Variants in NPAS2 observed in about 807,000 individuals in gnomAD.
NPAS2 encodes neuronal PAS domain protein 2.
A neutral mutation model predicts 107.5 loss-of-function variants in NPAS2; 23 were observed. That is an observed-to-expected ratio of 0.21 (90% CI 0.15 to 0.30). The LOEUF is 0.30. NPAS2 is among the 10% of genes least tolerant of loss of function. The pLI, the probability that NPAS2 is intolerant of heterozygous loss-of-function variation, is 1.00. For missense variants in NPAS2, 756 were observed against 1,043.3 expected, an observed-to-expected ratio of 0.72 and a Z score of 3.79; for synonymous variants, 403 against 417.5, an observed-to-expected ratio of 0.97 and a Z score of 0.42.
At chr2:100,908,936 T>C (rs1415041727) in intron 2 of NPAS2, among the ~76,000 whole-genome samples, 2 of 152,226 alleles carry the variant, frequency 1.3e-5, no homozygotes, top group African/African-American at 4.8e-5. Flanking sequence ...ATTTTATGAT[T>C]CTTTGACCCT....
At chr2:100,910,805 G>A (rs1011290597) in intron 2 of NPAS2, among the ~76,000 whole-genome samples, 1 of 152,164 alleles carries the variant, frequency 6.6e-6, no homozygotes, top group African/African-American at 2.4e-5. Flanking sequence ...TGGGATTACA[G>A]GCATGAGCCA....
At chr2:100,991,993 A>T (rs1480537784) in intron 19 of NPAS2, among the ~76,000 whole-genome samples, 1 of 152,058 alleles carries the variant, frequency 6.6e-6, no homozygotes, top group African/African-American at 2.4e-5. Flanking sequence ...TGGTCACAGG[A>T]GGGTAAGGAG....
At chr2:100,974,550 C>T (rs1004935680) in intron 12 of NPAS2, among the ~76,000 whole-genome samples, 8 of 152,092 alleles carry the variant, frequency 5.3e-5, no homozygotes, top group South Asian at 2.1e-4. Context: ...AAGTCAGTTA[C>T]GAAAATGTAA....
chr2:100,905,322 T>C (rs1682077629), intron 2 of NPAS2, among the ~76,000 whole-genome samples: 1 of 151,920 alleles, frequency 6.6e-6, no homozygotes, highest in Non-Finnish European at 1.5e-5. Flanking sequence ...TGCGCTGTGG[T>C]TGGGTCAACT....
intron 7 of NPAS2, 75 bp downstream of exon 7, chr2:100,949,555 G>A (rs937834861): frequency 1.7e-5 from 15 of 857,828 alleles, no homozygotes; most frequent in South Asian, 2.8e-5. Context: ...ATTAAGAATC[G>A]CCCAGGGAGG....
intron 20 of NPAS2, chr2:100,994,153 A>G (rs1201185526): frequency 6.6e-6 from 1 of 152,306 alleles, no homozygotes; most frequent in Non-Finnish European, 1.5e-5. Context: ...GCCTTCCCTC[A>G]CCCATGTGCA....
intron 16 of NPAS2, chr2:100,984,341 AG>A (rs1490751796): frequency 6.6e-6 from 1 of 152,266 alleles, no homozygotes. Context: ...TCAAGTGTGA[AG>A]AATAAGCAAG....
rs150728793 is a variant in NPAS2, at chr2:100,933,925, T to C, written c.273+924T>C. 3.2e-3 allele frequency among the ~76,000 whole-genome samples: 493 copies of C among 152,226 alleles called. 4 individuals are homozygous for C. The highest frequency in any genetic ancestry group is 0.012 in the African/African-American group (485 of 41,560). On this transcript the variant is annotated intron_variant, in intron 4 of 20. Transcript: ENST00000335681. ...GAGAGTGGTTTCTGGGGATAAATCT[T>C]TCTATCTCATATCTTATGTGCCTAT...
rs778685112 is a variant in NPAS2, at chr2:100,977,785, G to A, written c.1468G>A (p.Ala490Thr). Reference protein sequence around the residue: ...LPQTVLQSTPAPMAQFSAQFS... With the variant: ...LPQTVLQSTPTPMAQFSAQFS... Reference sequence around the variant, plus strand: ...TCAGACCGTTCTGCAGAGCACGCCCGCTCCCATGGCACAGGTGAGTCTGGG... The same window carrying A: ...TCAGACCGTTCTGCAGAGCACGCCCACTCCCATGGCACAGGTGAGTCTGGG... The change falls in exon 15 of 21, where the codon GCT (alanine) becomes ACT (threonine). Residue 490 changes from alanine to threonine, a missense_variant. This residue lies in a region of NPAS2 where 496 missense variants were observed against 594.4 expected (regional missense o/e 0.83). Coordinates refer to ENST00000335681, the MANE Select transcript of NPAS2 (RefSeq NM_002518.4). The A allele has an allele frequency of 1.7e-5, 28 of 1,613,782 alleles. No individual in the cohort carries two copies. The highest frequency in any genetic ancestry group is 8.3e-5 in the Admixed American group (5 of 59,998).
rs1272098761 is a variant in NPAS2 at position 100,995,840 on chromosome 2, C to A, written c.*258C>A. On this transcript the variant is annotated 3_prime_UTR_variant, in exon 21 of 21. Transcript: ENST00000335681. Reference sequence around the variant, plus strand: ...AGCCATACTGGACAGGAACCAGGTGCCCCGTGTAGGCATCGTCGGTCGGTT... The same window carrying A: ...AGCCATACTGGACAGGAACCAGGTGACCCGTGTAGGCATCGTCGGTCGGTT... The A allele has an allele frequency of 3.0e-5, 46 of 1,532,528 alleles. No homozygotes were observed. Among genetic ancestry groups the A allele is most frequent in the Non-Finnish European group, 3.8e-5 (43 of 1,136,126 alleles). The allele number at this position is 1,532,528 out of a possible 1,614,324, so 94.9% of individuals were successfully genotyped here.
chr2:100,952,437 G>A (rs182952375), intron 7 of NPAS2, among the ~76,000 whole-genome samples: 88 of 152,178 alleles, frequency 5.8e-4, no homozygotes, highest in African/African-American at 2.1e-3. Flanking sequence ...GATGGCGGGT[G>A]CCTGTAATCC....
chr2:100,928,918 T>C (rs1053646035), intron 3 of NPAS2, among the ~76,000 whole-genome samples: 26 of 152,264 alleles, frequency 1.7e-4, no homozygotes, highest in African/African-American at 5.1e-4. Context: ...GCACTTTCTT[T>C]TGGGAGACAG....
intron 4 of NPAS2, among the ~76,000 whole-genome samples, chr2:100,935,952 T>A (rs547750282): frequency 6.6e-6 from 1 of 152,170 alleles, no homozygotes; most frequent in African/African-American, 2.4e-5. Context: ...TATTACAGGA[T>A]GTTTGGCAGC....
rs75907608 is a variant in NPAS2 at position 100,975,291 on chromosome 2, C to T, written c.1283-167C>T. On this transcript the variant is annotated intron_variant, in intron 13 of 20. Transcript: ENST00000335681. ...TGTTTGTGGTGTCTCCTACCTGCTC[C>T]CAGGCTGGGCTTCTGTGGTTCAGCT... 8.6e-3 allele frequency: 5,732 copies of T among 669,726 alleles called. 252 individuals carry two copies. The African/African-American group carries it at 0.091, about 11-fold the overall frequency. The allele number at this position is 669,726 out of a possible 1,614,324, so 41.5% of individuals were successfully genotyped here.
intron 1 of NPAS2, among the ~76,000 whole-genome samples, chr2:100,845,926 C>T (rs535183878): frequency 6.6e-6 from 1 of 152,340 alleles, no homozygotes; most frequent in East Asian, 1.9e-4. Context: ...ATGGATTATT[C>T]CAAACCACTC....
intron 7 of NPAS2, among the ~76,000 whole-genome samples, chr2:100,955,097 C>G (rs905438219): frequency 6.6e-5 from 10 of 152,086 alleles, no homozygotes; most frequent in African/African-American, 2.4e-4. Context: ...AGGGTGGTCT[C>G]AAACTCCTGA....
intron 1 of NPAS2, among the ~76,000 whole-genome samples, chr2:100,877,448 A>C (rs1680047209): frequency 7.3e-6 from 1 of 137,928 alleles, no homozygotes; most frequent in Non-Finnish European, 1.5e-5. Flanking sequence ...TCCGTCTCAA[A>C]AAAAAAAAAA....
chr2:100,991,599 G>A (rs997801247), intron 19 of NPAS2, among the ~76,000 whole-genome samples: 24 of 152,336 alleles, frequency 1.6e-4, no homozygotes, highest in Admixed American at 7.8e-4. Context: ...CTCCCTAGAA[G>A]TCCTTCTTCT....
At chr2:100,959,597 A>T (rs934406578) in intron 7 of NPAS2, among the ~76,000 whole-genome samples, 7 of 152,240 alleles carry the variant, frequency 4.6e-5, no homozygotes, top group South Asian at 4.1e-4. Flanking sequence ...TCCCCTCAAC[A>T]TTCCAAAGCC....
Sources: gnomAD v4.1 joint callset for allele counts (sites outside exome capture counted in the v4.1 genomes callset) on GRCh38, gnomAD v4.1.1 for gene constraint, gnomAD v4.1.1 regional missense constraint, MANE v1.5 for transcripts, NCBI Gene and HGNC (gene_info 2026-07-23, HGNC 2026-07-21) for gene names.